Variants in LALBA observed in about 807,000 individuals in gnomAD.
LALBA encodes the protein lactalbumin alpha.
A neutral mutation model predicts 13.4 loss-of-function variants in LALBA; 12 were observed. The ratio of observed to expected loss-of-function variants is 0.89; its 90% CI spans 0.57 to 1.45. The LOEUF is 1.45. Among genes scored for constraint, LALBA ranks in the 40% most tolerant of loss-of-function variants. The probability of loss-of-function intolerance (pLI) is 0.00; values close to 1 mark genes in which losing one functional copy is unlikely to be tolerated. For missense variants in LALBA, 145 were observed against 165.9 expected (o/e 0.87, Z 0.69); for synonymous variants, 64 against 61.0 (o/e 1.05, Z -0.23).
chr12:48,569,283 A>T, intron 1 of LALBA, 43 bp from the exon 2 acceptor site: 4 of 1,517,422 alleles, frequency 2.6e-6, no homozygotes, highest in Non-Finnish European at 3.6e-6. Context: ...GATGTACAGG[A>T]TCTGCATAAA....
Position 48,569,914 on chromosome 12 carries a change from C to T in LALBA, c.107G>A (p.Gly36Asp). ...ELSQLLKDID[G>D]YGGIALPELI... ...TTCAGGCAAAGCGATGCCTCCATAACCATCTATGTCTTTCAGCAGCTGGGA... is the reference window on the plus strand; with the variant it reads ...TTCAGGCAAAGCGATGCCTCCATAATCATCTATGTCTTTCAGCAGCTGGGA... The change falls in exon 1 of 4, where the codon GGT becomes GAT. Residue 36 changes from glycine (G) to aspartate (D), a missense_variant. By Grantham distance (94) the Gly-to-Asp change is moderately conservative. Coordinates refer to ENST00000301046, the MANE Select transcript of LALBA (RefSeq NM_002289.3). 2 of 1,614,008 alleles carry T rather than the reference C, an allele frequency of 1.2e-6. No homozygotes were observed. The highest frequency in any genetic ancestry group is 1.7e-6 in the Non-Finnish European group (2 of 1,179,986).
intron 2 of LALBA, 27 bp from the exon 3 acceptor site, chr12:48,568,619 G>C (rs1458982259): frequency 7.1e-7 from 1 of 1,401,610 alleles, no homozygotes; most frequent in Admixed American, 1.8e-5. Flanking sequence ...GGAAAGGATT[G>C]AGACAGCTGA....
In LALBA at chr12:48,569,887, C is replaced by T; in HGVS notation, c.133+1G>A. The T allele has an allele frequency of 6.2e-7, 1 of 1,613,722 alleles. No individual in the cohort carries two copies. The highest frequency in any genetic ancestry group is 8.5e-7 in the Non-Finnish European group (1 of 1,179,800). ...ATGAAACACAGAGGCAGGGAACTCACATTCAGGCAAAGCGATGCCTCCATA... is the reference window on the plus strand; with the variant it reads ...ATGAAACACAGAGGCAGGGAACTCATATTCAGGCAAAGCGATGCCTCCATA... On this transcript the variant is annotated splice_donor_variant, in intron 1 of 3. Coordinates refer to ENST00000301046, the MANE Select transcript of LALBA (RefSeq NM_002289.3). LOFTEE classifies it high-confidence loss of function.
chr12:48,569,973 G>T lies in LALBA; in HGVS notation c.48C>A (p.Ala16=). The T allele has an allele frequency of 6.2e-7, 1 of 1,614,032 alleles. No individual in the cohort carries two copies. Among genetic ancestry groups the T allele is most frequent in the Non-Finnish European group, 8.5e-7 (1 of 1,179,986 alleles). The change falls in exon 1 of 4, where the codon GCC becomes GCA. Residue 16 remains alanine (A), a synonymous_variant. Coordinates refer to ENST00000301046, the MANE Select transcript of LALBA (RefSeq NM_002289.3). ...PLFLVGILFP[A]ILAKQFTKCE... ...ATTTTGTGAATTGCTTGGCCAGGAT[G>T]GCAGGGAACAGGATGCCCACCAGGA...
upstream of LALBA, among the ~76,000 whole-genome samples, chr12:48,570,375 G>T (rs923867024): frequency 5.9e-5 from 9 of 152,096 alleles, no homozygotes; most frequent in African/African-American, 2.2e-4. Flanking sequence ...GGGCATGGGG[G>T]CAATATAAGA....
At chr12:48,568,665 C>T in intron 2 of LALBA, 73 bp from the exon 3 acceptor site, 1 of 870,756 alleles carries the variant, frequency 1.1e-6, no homozygotes, top group Non-Finnish European at 1.8e-6. Flanking sequence ...GTTCCCCTAA[C>T]CCCTGGATCC....
chr12:48,567,795 C>T lies in LALBA; in HGVS notation c.*162G>A. 1 of 644,102 alleles carries T rather than the reference C, an allele frequency of 1.6e-6. No homozygotes were observed. Among genetic ancestry groups the T allele is most frequent in the East Asian group, 2.8e-5 (1 of 35,292 alleles). The allele number at this position is 644,102 out of a possible 1,614,324, so 39.9% of individuals were successfully genotyped here. On this transcript the variant is annotated 3_prime_UTR_variant, in exon 4 of 4. Transcript: ENST00000301046. ...AGAGCTCAGTGCACCACTCAGGCAT[C>T]CCTGGAAAATAGTCTTCAAGAATTC...
upstream of LALBA, chr12:48,570,130 A>G: frequency 8.4e-7 from 1 of 1,197,330 alleles, no homozygotes; most frequent in Non-Finnish European, 1.2e-6. Flanking sequence ...CTAGGAAGAG[A>G]ATGAAGAGAG....
At position 48,567,866 on chromosome 12, in the gene LALBA, G is replaced by A; in HGVS notation, c.*91C>T. On this transcript the variant is annotated 3_prime_UTR_variant, in exon 4 of 4. Coordinates refer to ENST00000301046, the MANE Select transcript of LALBA (RefSeq NM_002289.3). ...CAAGGCTCAGAGACAGATAAGCTTT[G>A]GGGGAACAGAAAGAAACAAACTGAG... 9.3e-7 allele frequency: 1 copy of A among 1,075,154 alleles called. No homozygotes were observed. The highest frequency in any genetic ancestry group is 1.4e-6 in the Non-Finnish European group (1 of 713,572). 66.6% of individuals were successfully genotyped at this position (1,075,154 alleles called of 1,614,324 possible).
rs1938586529 is a variant in LALBA at position 48,567,864 on chromosome 12, T to C, written c.*93A>G. ...CCCAAGGCTCAGAGACAGATAAGCTTTGGGGGAACAGAAAGAAACAAACTG... is the reference window on the plus strand; with the variant it reads ...CCCAAGGCTCAGAGACAGATAAGCTCTGGGGGAACAGAAAGAAACAAACTG... On this transcript the variant is annotated 3_prime_UTR_variant, in exon 4 of 4. Coordinates refer to ENST00000301046, the MANE Select transcript of LALBA (RefSeq NM_002289.3). 2.8e-6 allele frequency: 3 copies of C among 1,064,290 alleles called. No homozygotes were observed. The highest frequency in any genetic ancestry group is 4.3e-6 in the Non-Finnish European group (3 of 704,648). 65.9% of individuals were successfully genotyped at this position (1,064,290 alleles called of 1,614,324 possible). A position where few individuals can be genotyped will look rare whatever the true frequency, so the allele number is the denominator to read the frequency against.
rs951216503 is a variant in LALBA at position 48,568,433 on chromosome 12, A to C, written c.368+84T>G. 4 of 800,884 alleles carry C rather than the reference A, an allele frequency of 5.0e-6. No individual in the cohort carries two copies. In the East Asian group the frequency reaches 9.8e-5, roughly 20 times the overall value. The allele number at this position is 800,884 out of a possible 1,614,324, so 49.6% of individuals were successfully genotyped here. A position where few individuals can be genotyped will look rare whatever the true frequency, so the allele number is the denominator to read the frequency against. On this transcript the variant is annotated intron_variant, in intron 3 of 3. Coordinates refer to ENST00000301046, the MANE Select transcript of LALBA (RefSeq NM_002289.3). ...CTGTATTCTAGATTAAATGACCAAG[A>C]GATAGGGTAAGAGGAAAGGGGTGCT...
At chr12:48,571,000 A>G (rs1188017981), upstream of LALBA, among the ~76,000 whole-genome samples, 1 of 151,330 alleles carries the variant, frequency 6.6e-6, no homozygotes, top group Non-Finnish European at 1.5e-5. Context: ...AAAAAAAAAA[A>G]AAGAATCTAG....
rs2137134682 is a variant in LALBA at position 48,570,011 on chromosome 12, A to G, written c.10T>C (p.Phe4Leu). 1 of 1,614,034 alleles carries G rather than the reference A, an allele frequency of 6.2e-7. No homozygotes were observed. The highest frequency in any genetic ancestry group is 8.5e-7 in the Non-Finnish European group (1 of 1,179,976). MRF[F>L]VPLFLVGILF... ...ATGCCCACCAGGAACAGAGGGACAAAGAACCTCATTTTGGCTACCCCCAAG... is the reference window on the plus strand; with the variant it reads ...ATGCCCACCAGGAACAGAGGGACAAGGAACCTCATTTTGGCTACCCCCAAG... The change falls in exon 1 of 4, where the codon TTT becomes CTT. Residue 4 changes from phenylalanine (F) to leucine (L), a missense_variant. Phe to Leu is a conservative substitution (Grantham distance 22). Coordinates refer to ENST00000301046, the MANE Select transcript of LALBA (RefSeq NM_002289.3).
upstream of LALBA, chr12:48,570,154 A>C (rs1938616355): frequency 1.1e-6 from 1 of 944,530 alleles, no homozygotes; most frequent in Middle Eastern, 2.8e-4. Context: ...GGTCATGCCA[A>C]GACAGAAACG....
chr12:48,570,213 T>C, upstream of LALBA: 1 of 604,834 alleles, frequency 1.7e-6, no homozygotes, highest in Non-Finnish European at 2.9e-6. Flanking sequence ...TTCCTTTCCC[T>C]CTCCCAGTAT....
upstream of LALBA, chr12:48,570,141 A>G: frequency 9.2e-7 from 1 of 1,091,000 alleles, no homozygotes; most frequent in East Asian, 2.4e-5. Flanking sequence ...ATGAAGAGAG[A>G]CTGGTCATGC....
intron 3 of LALBA, 31 bp from the exon 4 acceptor site, chr12:48,568,048 T>C (rs771959439): frequency 2.0e-6 from 3 of 1,533,110 alleles, no homozygotes; most frequent in South Asian, 2.3e-5. Flanking sequence ...CAAGGTGAGT[T>C]AGCTGACTGA....
At chr12:48,568,678 T>TTAG in intron 2 of LALBA, 86 bp from the exon 3 acceptor site, 1 of 776,342 alleles carries the variant, frequency 1.3e-6, no homozygotes, top group Non-Finnish European at 2.2e-6. Context: ...CTGGATCCAG[T>TTAG]GGGTTCTCTA....
chr12:48,567,968 C>G lies in LALBA; in HGVS notation c.418G>C (p.Glu140Gln). Residue 140 changes from glutamate to glutamine, a missense_variant, in exon 4 of 4, where the codon GAG (glutamate) becomes CAG (glutamine). Glu to Gln is a conservative substitution (Grantham distance 29, BLOSUM62 2). Transcript: ENST00000301046. The stretch of plus-strand genomic sequence containing the variant: ...AGGACAGCAGACACTCACAACTTCT[C>G]ACAAAGCCACTGTTCCAGCTTCTCA... ...CTEKLEQWLC[E>Q]KL The G allele has an allele frequency of 6.2e-7, 1 of 1,605,718 alleles. No homozygotes were observed. The highest frequency in any genetic ancestry group is 8.5e-7 in the Non-Finnish European group (1 of 1,176,484).
Sources: gnomAD v4.1 joint callset for allele counts (sites outside exome capture counted in the v4.1 genomes callset) on GRCh38, gnomAD v4.1.1 for gene constraint, MANE v1.5 for transcripts, NCBI Gene and HGNC (gene_info 2026-07-23, HGNC 2026-07-21) for gene names.